Variants in ZMYM2 observed in about 807,000 individuals in gnomAD.
The protein encoded by ZMYM2 is zinc finger MYM-type protein 2.
Under a neutral mutation model 162.8 loss-of-function variants are expected in ZMYM2, and 56 were observed. The observed-to-expected ratio is 0.34, with a 90% CI of 0.28 to 0.43. The LOEUF is 0.43. Ranked by LOEUF, ZMYM2 falls within the 20% of genes least tolerant of loss-of-function variation. ZMYM2 has a pLI of 1.00. For synonymous variants in ZMYM2, 510 were observed against 541.6 expected (o/e 0.94, Z 0.81); for missense variants, 1,275 against 1,621.8 (o/e 0.79, Z 3.67).
intron 2 of ZMYM2, among the ~76,000 whole-genome samples, chr13:19,968,271 T>C (rs2139213390): frequency 6.6e-6 from 1 of 152,280 alleles, no homozygotes; most frequent in African/African-American, 2.4e-5. Flanking sequence ...AGCCAGAGTT[T>C]TGCTCTTCTT....
the ZMYM2 span, among the ~76,000 whole-genome samples, chr13:19,893,745 CTAAATAAGTAAAAAATAAA>C: frequency 6.6e-6 from 1 of 150,976 alleles, no homozygotes; most frequent in African/African-American, 2.5e-5. Flanking sequence ...GTCTCAAAAA[CTAAATAAGTAAAAAATAAA>C]TAAATAAATA....
At chr13:19,873,956 G>A in the ZMYM2 span, among the ~76,000 whole-genome samples, 1 of 152,190 alleles carries the variant, frequency 6.6e-6, no homozygotes, top group African/African-American at 2.4e-5. Context: ...GCCCATCTGT[G>A]CCACAGAGTG....
intron 2 of ZMYM2, among the ~76,000 whole-genome samples, chr13:19,989,503 C>T (rs778024377): frequency 6.6e-6 from 1 of 152,056 alleles, no homozygotes; most frequent in Non-Finnish European, 1.5e-5. Flanking sequence ...GGGGTTTCAC[C>T]ATGTAGGCCA....
At chr13:19,962,513 ATATTTTTTTT>A (rs1467835739) in intron 2 of ZMYM2, among the ~76,000 whole-genome samples, 1 of 59,096 alleles carries the variant, frequency 1.7e-5, no homozygotes, top group Non-Finnish European at 3.3e-5. Flanking sequence ...ATATATATAT[ATATTTTTTTT>A]TTTTTTTTTT....
intron 21 of ZMYM2, among the ~76,000 whole-genome samples, chr13:20,075,838 C>A (rs1432010135): frequency 2.6e-5 from 4 of 151,900 alleles, no homozygotes; most frequent in African/African-American, 9.7e-5. Flanking sequence ...GAATGAGCCA[C>A]CATTCCTGGC....
the ZMYM2 span, among the ~76,000 whole-genome samples, chr13:19,901,871 C>T: frequency 6.6e-6 from 1 of 152,162 alleles, no homozygotes; most frequent in Non-Finnish European, 1.5e-5. Context: ...TGGCTCACTG[C>T]AACCTCAAAC....
At chr13:20,058,868 G>T in intron 15 of ZMYM2, 164 bp downstream of exon 15, 1 of 885,796 alleles carries the variant, frequency 1.1e-6, no homozygotes, top group Non-Finnish European at 1.9e-6. Flanking sequence ...GGAGAATACA[G>T]CATCTCATTT....
the ZMYM2 span, among the ~76,000 whole-genome samples, chr13:19,944,091 T>C: frequency 6.6e-6 from 1 of 152,156 alleles, no homozygotes; most frequent in African/African-American, 2.4e-5. Context: ...CAGACCTCTT[T>C]TAGCTACTTC....
intron 6 of ZMYM2, among the ~76,000 whole-genome samples, chr13:20,006,992 A>G (rs3794386): frequency 0.69 from 104,973 of 152,122 alleles, 41,317 homozygotes; most frequent in Non-Finnish European, 0.86. Context: ...GATTTTACAT[A>G]TAATGGTAAA....
At chr13:20,012,014 T>A (rs1951235877) in intron 6 of ZMYM2, among the ~76,000 whole-genome samples, 1 of 152,106 alleles carries the variant, frequency 6.6e-6, no homozygotes, top group Non-Finnish European at 1.5e-5. Flanking sequence ...CCTCCCAAAG[T>A]GCTAGGATTA....
At chr13:20,065,253 G>A (rs1260117628) in intron 19 of ZMYM2, among the ~76,000 whole-genome samples, 3 of 152,002 alleles carry the variant, frequency 2.0e-5, no homozygotes, top group African/African-American at 7.3e-5. Context: ...AGAATACTTG[G>A]AGTGGAATGA....
chr13:19,989,183 C>T lies in ZMYM2; in HGVS notation c.-10-3880C>T, dbSNP rs1949411092. Among the ~76,000 whole-genome samples the T allele has an allele frequency of 2.0e-5, 3 of 152,260 alleles. No individual in the cohort carries two copies. In the South Asian group the frequency reaches 6.2e-4, roughly 32 times the overall value. ...ATATAGGTTTTTGGGATATGCATAA[C>T]ATCACAGTAGTAATTTTCTTTGTGT... On this transcript the variant is annotated intron_variant, in intron 2 of 24. Coordinates refer to ENST00000610343, the MANE Select transcript of ZMYM2 (RefSeq NM_197968.4).
At chr13:19,888,366 T>C in the ZMYM2 span, among the ~76,000 whole-genome samples, 6 of 151,800 alleles carry the variant, frequency 4.0e-5, no homozygotes, top group African/African-American at 1.5e-4. Context: ...TTTTAAAATT[T>C]CTGATAGAGA....
At chr13:19,884,740 C>T in the ZMYM2 span, among the ~76,000 whole-genome samples, 85 of 152,170 alleles carry the variant, frequency 5.6e-4, 1 homozygote, top group African/African-American at 1.8e-3. Context: ...CAAACTCTCG[C>T]GATAAATGTT....
intron 2 of ZMYM2, among the ~76,000 whole-genome samples, chr13:19,980,395 T>G (rs1172579273): frequency 6.6e-6 from 1 of 152,136 alleles, no homozygotes; most frequent in Non-Finnish European, 1.5e-5. Context: ...CCTACCTCAC[T>G]GTTTTATTTA....
intron 21 of ZMYM2, 50 bp downstream of exon 21, chr13:20,067,440 G>T (rs1440095036): frequency 6.7e-7 from 1 of 1,496,656 alleles, no homozygotes; most frequent in Non-Finnish European, 9.0e-7. Flanking sequence ...AAGAAAAGTT[G>T]TGGTAGTTCT....
At chr13:20,042,062 A>T (rs1038878962) in intron 12 of ZMYM2, among the ~76,000 whole-genome samples, 4 of 152,128 alleles carry the variant, frequency 2.6e-5, no homozygotes, top group Admixed American at 2.6e-4. Context: ...ATGAAGTATC[A>T]TACTGGGGTT....
intron 2 of ZMYM2, among the ~76,000 whole-genome samples, chr13:19,976,935 C>G (rs902473822): frequency 7.9e-5 from 12 of 152,020 alleles, no homozygotes; most frequent in Non-Finnish European, 5.9e-5. Context: ...GTAATTTTTG[C>G]TTTAATATAT....
intron 12 of ZMYM2, among the ~76,000 whole-genome samples, chr13:20,049,966 A>G (rs978208475): frequency 6.6e-6 from 1 of 152,032 alleles, no homozygotes; most frequent in Non-Finnish European, 1.5e-5. Flanking sequence ...AAACCCTGGA[A>G]CAATTCTATG....
Sources: allele counts gnomAD v4.1 joint callset (sites outside exome capture counted in the v4.1 genomes callset), GRCh38; gene constraint gnomAD v4.1.1; transcripts MANE v1.5; gene names NCBI Gene and HGNC (gene_info 2026-07-23, HGNC 2026-07-21).